Variants in XYLB observed in about 807,000 individuals in gnomAD.
The protein encoded by XYLB is xylulose kinase.
XYLB carries 62 observed loss-of-function variants against 78.7 expected under a neutral mutation model. The ratio of observed to expected loss-of-function variants is 0.79; its 90% CI spans 0.64 to 0.97. The LOEUF (loss-of-function observed/expected upper bound fraction) is 0.97, where lower values mean the gene tolerates loss of function less well. XYLB is among the 50% of genes least tolerant of loss of function. The pLI is 0.00. For missense variants in XYLB, 687 were observed against 676.8 expected (o/e 1.02, Z -0.17); for synonymous variants, 245 against 247.4 (o/e 0.99, Z 0.09).
At chr3:38,447,214 C>CAAT in the XYLB span, among the ~76,000 whole-genome samples, 78,028 of 151,478 alleles carry the variant, frequency 0.52, 21,150 homozygotes, top group Non-Finnish European at 0.61. Context: ...ATCAAAGCCA[C>CAAT]CATATAATTA....
At chr3:38,422,256 T>G (rs979417457), downstream of XYLB, among the ~76,000 whole-genome samples, 1 of 152,042 alleles carries the variant, frequency 6.6e-6, no homozygotes, top group Admixed American at 6.6e-5. Flanking sequence ...AGTGGGGAAA[T>G]TCAAATTGTT....
At chr3:38,440,802 ATC>A in the XYLB span, among the ~76,000 whole-genome samples, 4 of 150,648 alleles carry the variant, frequency 2.7e-5, no homozygotes, top group African/African-American at 7.3e-5. Context: ...TACTACTTCT[ATC>A]TCTCTCTCTT....
In XYLB at chr3:38,351,171, C is replaced by CAAA. The variant is rs58457623; in HGVS notation, c.140+2565_140+2567dup. Among the ~76,000 whole-genome samples, 33 of 23,070 alleles carry CAAA rather than the reference C, an allele frequency of 1.4e-3. 2 individuals carry two copies. The highest frequency in any genetic ancestry group is 2.2e-3 in the East Asian group (2 of 898). The allele number at this position is 23,070 out of a possible 152,430, so 15.1% of individuals were successfully genotyped here. On this transcript the variant is annotated intron_variant, in intron 2 of 18. Transcript: ENST00000207870. ...TGGACAACAGAGGGAGAGCCTGTCT[C>CAAA]AAAAAAAAAAAAAAAAAAAAAAAAA... is the stretch of plus-strand genomic sequence containing the variant.
At chr3:38,428,625 G>A in the XYLB span, among the ~76,000 whole-genome samples, 1 of 152,046 alleles carries the variant, frequency 6.6e-6, no homozygotes, top group African/African-American at 2.4e-5. Flanking sequence ...TATTACTATA[G>A]CCACTCCATC....
chr3:38,422,455 T>C (rs1225553805), downstream of XYLB, among the ~76,000 whole-genome samples: 1 of 152,166 alleles, frequency 6.6e-6, no homozygotes, highest in African/African-American at 2.4e-5. Context: ...GTGAAATAAC[T>C]ATTCAGGGAA....
chr3:38,442,462 A>C, the XYLB span, among the ~76,000 whole-genome samples: 1 of 152,148 alleles, frequency 6.6e-6, no homozygotes, highest in Non-Finnish European at 1.5e-5. Context: ...ATAAGTTGGG[A>C]TGTGTGGTCT....
chr3:38,385,122 A>G (rs888876228), intron 15 of XYLB, among the ~76,000 whole-genome samples: 1 of 152,024 alleles, frequency 6.6e-6, no homozygotes, highest in Non-Finnish European at 1.5e-5. Context: ...CACCTCAGCC[A>G]CCTGAGTAGC....
At chr3:38,362,274 T>C (rs537830308) in intron 3 of XYLB, among the ~76,000 whole-genome samples, 1 of 152,360 alleles carries the variant, frequency 6.6e-6, no homozygotes, top group South Asian at 2.1e-4. Flanking sequence ...GGTCTCACTG[T>C]GTTGCCCAGG....
chr3:38,372,437 T>C (rs1706617867), intron 9 of XYLB: 1 of 985,286 alleles, frequency 1.0e-6, no homozygotes, highest in Admixed American at 6.1e-5. Context: ...ATGCTCGTGG[T>C]TTCCAAACCT....
intron 8 of XYLB, 28 bp downstream of exon 8, chr3:38,368,285 C>T (rs1706369258): frequency 6.2e-7 from 1 of 1,608,218 alleles, no homozygotes; most frequent in Non-Finnish European, 8.5e-7. Flanking sequence ...GGGTGGGTGC[C>T]TGGGCAGTGT....
At chr3:38,347,025 C>T in intron 1 of XYLB, 100 bp downstream of exon 1, 1 of 1,200,526 alleles carries the variant, frequency 8.3e-7, no homozygotes. Context: ...TGGGCCCGGC[C>T]GCGGGCGCGC....
chr3:38,358,782 G>A (rs1466089523), intron 2 of XYLB, among the ~76,000 whole-genome samples: 1 of 151,990 alleles, frequency 6.6e-6, no homozygotes, highest in Admixed American at 6.6e-5. Context: ...TTTTTCCCTA[G>A]TAGTATCTTT....
At chr3:38,445,136 T>G in the XYLB span, among the ~76,000 whole-genome samples, 1 of 151,928 alleles carries the variant, frequency 6.6e-6, no homozygotes, top group Non-Finnish European at 1.5e-5. Context: ...AAAAATGGAG[T>G]GGAGGGCCAT....
At chr3:38,366,951 G>A (rs997099075) in intron 7 of XYLB, 78 bp downstream of exon 7, 26 of 985,588 alleles carry the variant, frequency 2.6e-5, no homozygotes, top group African/African-American at 2.1e-4. Flanking sequence ...TACATCTTAC[G>A]TGCAGTGACT....
chr3:38,444,119 T>C, the XYLB span, among the ~76,000 whole-genome samples: 2 of 152,218 alleles, frequency 1.3e-5, no homozygotes, highest in African/African-American at 4.8e-5. Context: ...TCTCATAGCA[T>C]GACATCTCTC....
intron 2 of XYLB, among the ~76,000 whole-genome samples, chr3:38,349,649 A>G (rs879572320): frequency 3.9e-5 from 6 of 152,230 alleles, no homozygotes; most frequent in Admixed American, 6.5e-5. Flanking sequence ...GAGAAAGATC[A>G]TGAGTTCAGC....
chr3:38,410,214 C>T (rs1708514794), intron 18 of XYLB, among the ~76,000 whole-genome samples: 1 of 152,156 alleles, frequency 6.6e-6, no homozygotes, highest in Admixed American at 6.5e-5. Flanking sequence ...GAACAGAGCC[C>T]TCAGAAATAA....
chr3:38,348,241 C>G (rs1261096655), intron 1 of XYLB, among the ~76,000 whole-genome samples: 1 of 152,200 alleles, frequency 6.6e-6, no homozygotes, highest in African/African-American at 2.4e-5. Context: ...GTCAGGTGCA[C>G]GAACCAACTC....
At chr3:38,449,766 G>T in the XYLB span, among the ~76,000 whole-genome samples, 25 of 152,178 alleles carry the variant, frequency 1.6e-4, no homozygotes, top group African/African-American at 5.8e-4. Flanking sequence ...GAGCTTGTTT[G>T]TTGACCTCCA....
Sources: allele counts gnomAD v4.1 joint callset (sites outside exome capture counted in the v4.1 genomes callset), GRCh38; gene constraint gnomAD v4.1.1; transcripts MANE v1.5; gene names NCBI Gene and HGNC (gene_info 2026-07-23, HGNC 2026-07-21).